LARP1B: variants seen among roughly 807,000 people sequenced by gnomAD.
LARP1B encodes the protein La ribonucleoprotein 1B, also known as la-related protein 1B.
In LARP1B, 76 loss-of-function variants were observed where a neutral mutation model predicts 114.2. The ratio of observed to expected loss-of-function variants is 0.67; its 90% CI spans 0.55 to 0.81. LARP1B has a LOEUF of 0.81. LARP1B is among the 30% of genes least tolerant of loss of function. LARP1B has a pLI of 0.00. For missense variants in LARP1B, 1,014 were observed against 1,075.8 expected (o/e 0.94, Z 0.80); for synonymous variants, 345 against 348.0 (o/e 0.99, Z 0.10).
intron 8 of LARP1B, among the ~76,000 whole-genome samples, chr4:128,098,763 ATATATTTTT>A (rs1423987100): frequency 5.1e-4 from 18 of 35,504 alleles, no homozygotes; most frequent in African/African-American, 1.3e-3. Flanking sequence ...ATATATATAT[ATATATTTTT>A]TTTTTTTTTT....
At chr4:128,073,215 A>G (rs1405081696) in intron 1 of LARP1B, among the ~76,000 whole-genome samples, 1 of 151,768 alleles carries the variant, frequency 6.6e-6, no homozygotes, top group Non-Finnish European at 1.5e-5. Context: ...GGAGTTTGAG[A>G]CCAGCCTGGC....
In LARP1B at chr4:128,149,293, T is replaced by G. The variant is rs139889640; in HGVS notation, c.1525-12901T>G. On this transcript the variant is annotated intron_variant, in intron 11 of 19. Coordinates refer to ENST00000326639, the MANE Select transcript of LARP1B (RefSeq NM_018078.4). ...CCAGATTGCAAAGTGTCTTGAAAGC[T>G]TTATAGGAATTTAGAATAAAGAGCA... Among the ~76,000 whole-genome samples, 43 of 152,320 alleles carry G rather than the reference T, an allele frequency of 2.8e-4. 2 individuals carry two copies. The highest frequency in any genetic ancestry group is 8.8e-5 in the Non-Finnish European group (6 of 68,030).
intron 11 of LARP1B, among the ~76,000 whole-genome samples, chr4:128,138,057 T>C (rs1438254699): frequency 1.3e-5 from 2 of 152,102 alleles, no homozygotes; most frequent in East Asian, 1.9e-4. Context: ...GAATCTGTTA[T>C]AGCATTGATC....
intron 1 of LARP1B, among the ~76,000 whole-genome samples, chr4:128,063,805 C>T (rs1225905402): frequency 6.6e-6 from 1 of 151,848 alleles, no homozygotes; most frequent in Non-Finnish European, 1.5e-5. Context: ...AAAACAAAAC[C>T]GTATCTTTCT....
chr4:128,075,744 G>A (rs975659337), intron 3 of LARP1B, among the ~76,000 whole-genome samples: 6 of 151,320 alleles, frequency 4.0e-5, no homozygotes, highest in Admixed American at 3.3e-4. Context: ...TGGGGGTTTG[G>A]TCATGTTGCC....
intron 11 of LARP1B, chr4:128,155,617 C>G (rs542693710): frequency 2.5e-6 from 3 of 1,217,742 alleles, no homozygotes; most frequent in Non-Finnish European, 3.7e-6. Flanking sequence ...CAGCCCCCTA[C>G]AACCCCAGCC....
chr4:128,131,190 T>C (rs1339128770), intron 11 of LARP1B, among the ~76,000 whole-genome samples: 1 of 152,200 alleles, frequency 6.6e-6, no homozygotes, highest in Non-Finnish European at 1.5e-5. Flanking sequence ...TTGTAACTAA[T>C]GTATCACTCT....
intron 9 of LARP1B, chr4:128,108,365 A>C: frequency 1.0e-6 from 1 of 989,928 alleles, no homozygotes; most frequent in Non-Finnish European, 1.2e-6. Context: ...GTACATTGTA[A>C]AACTCAGATA....
At chr4:128,125,384 C>A (rs1043424487) in intron 11 of LARP1B, among the ~76,000 whole-genome samples, 1 of 152,172 alleles carries the variant, frequency 6.6e-6, no homozygotes, top group Non-Finnish European at 1.5e-5. Flanking sequence ...AAAAAAGATA[C>A]CCCAAAAGAA....
At chr4:128,089,631 C>T (rs532523364) in intron 5 of LARP1B, among the ~76,000 whole-genome samples, 10 of 152,004 alleles carry the variant, frequency 6.6e-5, no homozygotes, top group African/African-American at 2.2e-4. Context: ...CCACCGCACC[C>T]GGCTAATGTT....
rs1442070298 is a variant in LARP1B, at chr4:128,211,289, T to C, written c.*1236T>C. On this transcript the variant is annotated 3_prime_UTR_variant, in exon 20 of 20. Coordinates refer to ENST00000326639, the MANE Select transcript of LARP1B (RefSeq NM_018078.4). ...TGAGCACTACATAATTTACAGATAT[T>C]TTGTTGTATTGGCAAAAGCAAGTGG... 2 of 966,258 alleles carry C rather than the reference T, an allele frequency of 2.1e-6. No homozygotes were observed. Among genetic ancestry groups the C allele is most frequent in the Non-Finnish European group, 2.5e-6 (2 of 812,574 alleles). The allele number at this position is 966,258 out of a possible 1,614,324, so 59.9% of individuals were successfully genotyped here.
intron 1 of LARP1B, among the ~76,000 whole-genome samples, chr4:128,073,180 G>A (rs1225550722): frequency 6.6e-6 from 1 of 151,980 alleles, no homozygotes; most frequent in Admixed American, 6.6e-5. Context: ...TTGGGAGGCC[G>A]AGGTGGGCGG....
At chr4:128,095,856 GGAT>G (rs1238404050) in intron 7 of LARP1B, among the ~76,000 whole-genome samples, 2 of 151,650 alleles carry the variant, frequency 1.3e-5, no homozygotes, top group African/African-American at 4.8e-5. Flanking sequence ...AAATAGTGTG[GGAT>G]TATTAAACTG....
chr4:128,200,385 C>T, intron 16 of LARP1B, 136 bp from the exon 17 acceptor site: 1 of 554,122 alleles, frequency 1.8e-6, no homozygotes, highest in South Asian at 4.2e-5. Context: ...TGGAGATCCC[C>T]ACTCTATTTA....
At chr4:128,133,716 G>T (rs1792286078) in intron 11 of LARP1B, among the ~76,000 whole-genome samples, 2 of 151,904 alleles carry the variant, frequency 1.3e-5, no homozygotes, top group Non-Finnish European at 2.9e-5. Flanking sequence ...TCTTTTTTGA[G>T]ACAGAGTTTC....
intron 1 of LARP1B, chr4:128,069,342 T>A: frequency 1.3e-6 from 1 of 779,556 alleles, no homozygotes; most frequent in Non-Finnish European, 2.3e-6. Flanking sequence ...CTGAAGACTT[T>A]GAGCAAACTT....
At chr4:128,108,356 T>C in intron 9 of LARP1B, 1 of 991,988 alleles carries the variant, frequency 1.0e-6, no homozygotes, top group Non-Finnish European at 1.2e-6. Context: ...CAGTGTAGTG[T>C]ACATTGTAAA....
At chr4:128,086,976 A>C (rs1299339882) in intron 5 of LARP1B, among the ~76,000 whole-genome samples, 1 of 151,730 alleles carries the variant, frequency 6.6e-6, no homozygotes, top group Non-Finnish European at 1.5e-5. Flanking sequence ...TTGGCCAGAT[A>C]CTTTTTTTTT....
chr4:128,183,920 T>C (rs1216753576), intron 15 of LARP1B, among the ~76,000 whole-genome samples: 3 of 152,126 alleles, frequency 2.0e-5, no homozygotes, highest in Non-Finnish European at 4.4e-5. Flanking sequence ...TAATTACAGA[T>C]GTGGTGGAAA....
Sources: allele counts gnomAD v4.1 joint callset (sites outside exome capture counted in the v4.1 genomes callset), GRCh38; gene constraint gnomAD v4.1.1; transcripts MANE v1.5; gene names NCBI Gene and HGNC (gene_info 2026-07-23, HGNC 2026-07-21).